Variants in FBP2 observed in about 807,000 individuals in gnomAD.
FBP2 encodes the protein fructose-1,6-bisphosphatase isozyme 2.
Under a neutral mutation model 31.6 loss-of-function variants are expected in FBP2, and 27 were observed. The observed-to-expected ratio is 0.85, with a 90% CI of 0.63 to 1.18. The LOEUF (loss-of-function observed/expected upper bound fraction) is 1.18. Ranked by LOEUF, FBP2 falls within the 50% of genes most tolerant of loss-of-function variation. The probability of loss-of-function intolerance (pLI) is 0.00; values close to 1 mark genes in which losing one functional copy is unlikely to be tolerated. For missense variants in FBP2, 421 were observed against 436.1 expected (o/e 0.97, Z 0.31); for synonymous variants, 168 against 179.8 (o/e 0.93, Z 0.53).
intron 6 of FBP2, among the ~76,000 whole-genome samples, chr9:94,561,350 G>GTTTT (rs1463916724): frequency 2.3e-3 from 137 of 59,608 alleles, no homozygotes; most frequent in Admixed American, 4.7e-3. Context: ...CATGTGACCT[G>GTTTT]TATTTTTTTT....
At chr9:94,576,595 T>C (rs907578294) in intron 3 of FBP2, 1 of 152,372 alleles carries the variant, frequency 6.6e-6, no homozygotes, top group South Asian at 2.1e-4. Flanking sequence ...TGCTTTTGTC[T>C]TGGGGATCCT....
chr9:94,593,104 C>T (rs1827519412), intron 1 of FBP2, among the ~76,000 whole-genome samples: 1 of 152,190 alleles, frequency 6.6e-6, no homozygotes, highest in East Asian at 1.9e-4. Context: ...GGAAGGGGCT[C>T]TACCAAGCTT....
At chr9:94,581,244 G>C (rs1171125234) in intron 3 of FBP2, among the ~76,000 whole-genome samples, 1 of 152,116 alleles carries the variant, frequency 6.6e-6, no homozygotes, top group Non-Finnish European at 1.5e-5. Context: ...GTCTGACATA[G>C]TAAGGGCCAG....
At chr9:94,570,154 AG>A (rs1827251916) in intron 4 of FBP2, 1 of 152,204 alleles carries the variant, frequency 6.6e-6, no homozygotes, top group Non-Finnish European at 1.5e-5. Flanking sequence ...TTCATGACTG[AG>A]GGCAGAAAAC....
intron 6 of FBP2, among the ~76,000 whole-genome samples, chr9:94,562,449 C>A (rs770849982): frequency 6.6e-6 from 1 of 152,044 alleles, no homozygotes; most frequent in Non-Finnish European, 1.5e-5. Flanking sequence ...GGTGAATACA[C>A]CTGGGCTAAG....
intron 5 of FBP2, among the ~76,000 whole-genome samples, chr9:94,564,354 T>G (rs1186575979): frequency 6.6e-6 from 1 of 152,180 alleles, no homozygotes; most frequent in Non-Finnish European, 1.5e-5. Context: ...TAAAGACACA[T>G]GCACATGTAT....
chr9:94,562,097 G>T (rs999258173), intron 6 of FBP2, among the ~76,000 whole-genome samples: 1 of 152,028 alleles, frequency 6.6e-6, no homozygotes, highest in Non-Finnish European at 1.5e-5. Flanking sequence ...GGATCACGAG[G>T]TCAGGAGATC....
chr9:94,591,606 G>A (rs188220665), intron 1 of FBP2, among the ~76,000 whole-genome samples: 19 of 152,342 alleles, frequency 1.2e-4, no homozygotes, highest in African/African-American at 3.6e-4. Flanking sequence ...GCAGTGGGGG[G>A]CTGAAAGGCT....
At chr9:94,576,620 G>T (rs893432964) in intron 3 of FBP2, 1 of 152,174 alleles carries the variant, frequency 6.6e-6, no homozygotes, top group Non-Finnish European at 1.5e-5. Flanking sequence ...TTCTCTTCCT[G>T]CTGCAGTGCC....
chr9:94,567,136 CAT>C, intron 5 of FBP2, 132 bp downstream of exon 5: 2 of 818,096 alleles, frequency 2.4e-6, no homozygotes, highest in Non-Finnish European at 2.0e-6. Context: ...AGGCAGAGTC[CAT>C]CATCTTCATA....
At chr9:94,564,456 A>C (rs1827156557) in intron 5 of FBP2, among the ~76,000 whole-genome samples, 2 of 152,252 alleles carry the variant, frequency 1.3e-5, no homozygotes, top group South Asian at 4.1e-4. Flanking sequence ...TGCTACATAT[A>C]CACAATGGAA....
At chr9:94,588,961 C>T (rs554820172) in intron 1 of FBP2, among the ~76,000 whole-genome samples, 15 of 152,220 alleles carry the variant, frequency 9.9e-5, no homozygotes, top group African/African-American at 2.7e-4. Flanking sequence ...AGCCATGTGA[C>T]GGCCACCCCA....
Position 94,559,043 on chromosome 9 carries a change from G to C in FBP2, c.915C>G (p.Asp305Glu). The change falls in exon 7 of 7, where the codon GAC (aspartate) becomes GAG (glutamate). Residue 305 changes from aspartate (D) to glutamate (E), a missense_variant. Transcript: ENST00000375337. Reference sequence around the variant, plus strand: ...GCTGGTGAATTGCCTCGGGCTTCACGTCCAGTACAGGCTGGGTCCCCGTGG... The same window carrying C: ...GCTGGTGAATTGCCTCGGGCTTCACCTCCAGTACAGGCTGGGTCCCCGTGG... ...LATTGTQPVL[D>E]VKPEAIHQRV... 6.2e-7 allele frequency: 1 copy of C among 1,614,070 alleles called. No individual in the cohort carries two copies. Among genetic ancestry groups the C allele is most frequent in the African/African-American group, 1.3e-5 (1 of 75,014 alleles).
At chr9:94,567,441 G>A in intron 4 of FBP2, 34 bp from the exon 5 acceptor site, 1 of 1,574,336 alleles carries the variant, frequency 6.4e-7, no homozygotes, top group Non-Finnish European at 8.6e-7. Flanking sequence ...AGGAAGAAGA[G>A]AGAAGCCAGG....
intron 1 of FBP2, among the ~76,000 whole-genome samples, chr9:94,592,302 T>C (rs962062276): frequency 6.6e-6 from 1 of 152,224 alleles, no homozygotes; most frequent in African/African-American, 2.4e-5. Context: ...TCACCACCCC[T>C]AAATAAATAC....
At chr9:94,577,233 C>T (rs1827324289) in intron 3 of FBP2, 1 of 152,344 alleles carries the variant, frequency 6.6e-6, no homozygotes, top group Non-Finnish European at 1.5e-5. Context: ...CTTTCCTCTT[C>T]CTTCCTGTAA....
rs111617337 is a variant in FBP2 at position 94,567,300 on chromosome 9, A to G, written c.675T>C (p.Thr225=). ...GYAKYFDAAT[T]EYVQKKKFPE... is the part of the protein sequence containing the mutation. ...GGAATTTCTTTTTCTGCACATATTC[A>G]GTGGTGGCCGCATCAAAATACTTGG... The change falls in exon 5 of 7, where the codon ACT becomes ACC. Residue 225 remains threonine, a synonymous_variant. Transcript: ENST00000375337. 4.5e-3 allele frequency: 7,256 copies of G among 1,614,134 alleles called. 251 individuals carry two copies. The African/African-American group carries it at 0.078, about 17-fold the overall frequency.
intron 4 of FBP2, chr9:94,569,456 T>C (rs755487358): frequency 2.6e-5 from 4 of 152,240 alleles, no homozygotes; most frequent in African/African-American, 9.6e-5. Context: ...ATCTGAACAG[T>C]GGCACTCACT....
intron 3 of FBP2, among the ~76,000 whole-genome samples, chr9:94,582,018 G>A (rs544103748): frequency 1.1e-4 from 17 of 152,234 alleles, no homozygotes; most frequent in African/African-American, 3.9e-4. Context: ...CCAAACAAGC[G>A]CTGGCCTTAA....
Sources: allele counts gnomAD v4.1 joint callset (sites outside exome capture counted in the v4.1 genomes callset), GRCh38; gene constraint gnomAD v4.1.1; transcripts MANE v1.5; gene names NCBI Gene and HGNC (gene_info 2026-07-23, HGNC 2026-07-21).